SDE2: variants seen among roughly 807,000 people sequenced by gnomAD.
SDE2 encodes splicing regulator SDE2.
In SDE2, 31 loss-of-function variants were observed where a neutral mutation model predicts 46.9. The ratio of observed to expected loss-of-function variants is 0.66; its 90% CI spans 0.50 to 0.89. SDE2 has a LOEUF of 0.89. SDE2 is among the 40% of genes least tolerant of loss of function. The pLI, the probability that SDE2 is intolerant of heterozygous loss-of-function variation, is 0.00. For synonymous variants in SDE2, 205 were observed against 204.3 expected (o/e 1.00, Z -0.03); for missense variants, 542 against 564.4 (o/e 0.96, Z 0.40).
In SDE2 at chr1:225,987,925, T is replaced by TGGCAAC. The variant is rs773825914; in HGVS notation, c.1099_1104dup (p.Val367_Ala368dup). ...TTTCCTGGCTGGCTTTCCTGCAGTT[T>TGGCAAC]GGCAACGGCAACGTTTTCCCTTTCT... On this transcript the variant is annotated inframe_insertion, in exon 6 of 7. Coordinates refer to ENST00000272091, the MANE Select transcript of SDE2 (RefSeq NM_152608.4). 1 of 1,612,668 alleles carries TGGCAAC rather than the reference T, an allele frequency of 6.2e-7. No individual in the cohort carries two copies. The highest frequency in any genetic ancestry group is 2.2e-5 in the East Asian group (1 of 44,880).
intron 2 of SDE2, among the ~76,000 whole-genome samples, chr1:225,994,697 C>T (rs765949178): frequency 6.6e-6 from 1 of 152,166 alleles, no homozygotes; most frequent in Non-Finnish European, 1.5e-5. Flanking sequence ...AAAAAAAACT[C>T]TTTATTCAGC....
Position 225,985,414 on chromosome 1 carries a change from C to T in SDE2, c.1244G>A (p.Cys415Tyr). Residue 415 changes from cysteine (C) to tyrosine (Y), a missense_variant, in exon 7 of 7, where the codon TGT becomes TAT. By Grantham distance (194) the Cys-to-Tyr change is radical (BLOSUM62 -2). Transcript: ENST00000272091. ...TGCCCGCTCCTGCAGAGTGCCCCCA[C>T]ATTTCAGTCCAAGGGCCATCAGTTC... ...KCELMALGLK[C>Y]GGTLQERAAR... The T allele has an allele frequency of 6.2e-7, 1 of 1,614,164 alleles. No individual in the cohort carries two copies. The highest frequency in any genetic ancestry group is 1.3e-5 in the African/African-American group (1 of 75,066).
In SDE2 at chr1:225,987,949, C is replaced by T. The variant is rs1254509294; in HGVS notation, c.1081G>A (p.Glu361Lys). 2 of 1,613,908 alleles carry T rather than the reference C, an allele frequency of 1.2e-6. No individual in the cohort carries two copies. Residue 361 changes from glutamate (E) to lysine (K), a missense_variant, in exon 6 of 7, where the codon GAA (glutamate) becomes AAA (lysine). Around this residue, in one of 3 missense-constraint regions of SDE2, gnomAD observed 401 missense variants for 437.8 expected, o/e 0.92. Transcript: ENST00000272091. ...TTGGCAACGGCAACGTTTTCCCTTTCTTCAGGTGCTACCTCAGCAACTCTT... is the reference window on the plus strand; with the variant it reads ...TTGGCAACGGCAACGTTTTCCCTTTTTTCAGGTGCTACCTCAGCAACTCTT... ...GERVAEVAPE[E>K]RENVAVAKLQ...
At chr1:225,998,840 AG>A (rs1181019051) in intron 1 of SDE2, among the ~76,000 whole-genome samples, 3 of 152,238 alleles carry the variant, frequency 2.0e-5, no homozygotes, top group Non-Finnish European at 4.4e-5. Context: ...ACATAACCAT[AG>A]TAAGAAGGTG....
rs554835143 is a variant in SDE2 at position 225,990,448 on chromosome 1, T to C, written c.641+795A>G. ...TATTTCAGGTCATTAAAATACACTC[T>C]ATCTAGATTGTGGTGATGGTAACGT... On this transcript the variant is annotated intron_variant, in intron 5 of 6. Transcript: ENST00000272091. Among the ~76,000 whole-genome samples the C allele has an allele frequency of 3.3e-5, 5 of 152,264 alleles. No homozygotes were observed. The East Asian group carries it at 7.7e-4, about 23-fold the overall frequency.
Position 225,988,541 on chromosome 1 carries a change from C to A in SDE2, c.642-153G>T, listed in dbSNP as rs146314755. Among the ~76,000 whole-genome samples the A allele has an allele frequency of 8.6e-4, 131 of 152,178 alleles. 1 individual carries two copies. The highest frequency in any genetic ancestry group is 3.0e-3 in the African/African-American group (124 of 41,516). ...GTCAGTAGTTTGAGATCAGCCTGGC[C>A]AACACAGTGAAACCCCATCTCTACT... On this transcript the variant is annotated intron_variant, in intron 5 of 6. Coordinates refer to ENST00000272091, the MANE Select transcript of SDE2 (RefSeq NM_152608.4).
chr1:225,990,690 A>G (rs1046626085), intron 5 of SDE2, among the ~76,000 whole-genome samples: 7 of 152,224 alleles, frequency 4.6e-5, no homozygotes, highest in African/African-American at 1.7e-4. Flanking sequence ...TCTTTGATTA[A>G]TAATTATCTG....
rs951130503 is a variant in SDE2 at position 225,983,173 on chromosome 1, G to A, written c.*2129C>T. On this transcript the variant is annotated 3_prime_UTR_variant, in exon 7 of 7. Coordinates refer to ENST00000272091, the MANE Select transcript of SDE2 (RefSeq NM_152608.4). Reference sequence around the variant, plus strand: ...TTGTTTAAAGAAACTACTTTAAATAGGCACAGAAGCACAAAGTAAATTAAT... The same window carrying A: ...TTGTTTAAAGAAACTACTTTAAATAAGCACAGAAGCACAAAGTAAATTAAT... 1 of 152,170 alleles carries A rather than the reference G, an allele frequency of 6.6e-6. No homozygotes were observed. Among genetic ancestry groups the A allele is most frequent in the African/African-American group, 2.4e-5 (1 of 41,438 alleles). 9.4% of individuals were successfully genotyped at this position (152,170 alleles called of 1,614,324 possible). A position where few individuals can be genotyped will look rare whatever the true frequency, so the allele number is the denominator to read the frequency against.
intron 1 of SDE2, among the ~76,000 whole-genome samples, chr1:225,998,986 T>A (rs1656593546): frequency 6.6e-6 from 1 of 151,988 alleles, no homozygotes; most frequent in Admixed American, 6.6e-5. Context: ...TCCCTCTTGG[T>A]GGGAAGGCAA....
Position 225,998,172 on chromosome 1 carries a change from G to A in SDE2, c.120+1021C>T, listed in dbSNP as rs190879333. 1.7e-3 allele frequency among the ~76,000 whole-genome samples: 262 copies of A among 152,240 alleles called. 2 individuals carry two copies. Among genetic ancestry groups the A allele is most frequent in the Non-Finnish European group, 2.2e-3 (147 of 68,026 alleles). On this transcript the variant is annotated intron_variant, in intron 1 of 6. Transcript: ENST00000272091. ...AAAGAACACTGTACTCATGAAATAAGAATTATTTTCAAAGGAATTAGAATG... is the reference window on the plus strand; with the variant it reads ...AAAGAACACTGTACTCATGAAATAAAAATTATTTTCAAAGGAATTAGAATG...
rs376626228 is a variant in SDE2 at position 225,993,022 on chromosome 1, G to C, written c.239-20C>G. The stretch of plus-strand genomic sequence containing the variant: ...CAAAACCTGAGCAGATGTATTTGGA[G>C]AAAGCAGGTTAAAATGTGTTCAAGG... On this transcript the variant is annotated intron_variant, in intron 2 of 6. Coordinates refer to ENST00000272091, the MANE Select transcript of SDE2 (RefSeq NM_152608.4). 4.8e-5 allele frequency: 67 copies of C among 1,392,974 alleles called. No homozygotes were observed. The highest frequency in any genetic ancestry group is 6.7e-5 in the Non-Finnish European group (66 of 982,600). 86.3% of individuals were successfully genotyped at this position (1,392,974 alleles called of 1,614,324 possible).
Position 225,999,254 on chromosome 1 carries a change from A to C in SDE2, c.59T>G (p.Val20Gly). 1.2e-6 allele frequency: 2 copies of C among 1,613,284 alleles called. No individual in the cohort carries two copies. The highest frequency in any genetic ancestry group is 8.5e-7 in the Non-Finnish European group (1 of 1,179,774). The change falls in exon 1 of 7, where the codon GTG becomes GGG. Residue 20 changes from valine (V) to glycine (G), a missense_variant. Val to Gly is a moderately radical substitution (Grantham distance 109). Around this residue, in one of 3 missense-constraint regions of SDE2, gnomAD observed 135 missense variants for 106.5 expected, o/e 1.27. Transcript: ENST00000272091. ...GGTGCACCGACCCGAGGCACACCGCACCGCCTTGCACCCGAAGCCAGGGCC... is the reference window on the plus strand; with the variant it reads ...GGTGCACCGACCCGAGGCACACCGCCCCGCCTTGCACCCGAAGCCAGGGCC... ...IRGPGFGCKA[V>G]RCASGRCTVR...
chr1:225,988,483 G>A, intron 5 of SDE2, 95 bp from the exon 6 acceptor site: 2 of 1,293,208 alleles, frequency 1.5e-6, no homozygotes, highest in Admixed American at 2.1e-5. Context: ...GTAATCCCAG[G>A]ACTTTGGGAG....
chr1:225,995,064 A>G lies in SDE2; in HGVS notation c.238+202T>C, dbSNP rs909008491. 2.6e-5 allele frequency among the ~76,000 whole-genome samples: 4 copies of G among 152,200 alleles called. No individual in the cohort carries two copies. The South Asian group carries it at 8.3e-4, about 32-fold the overall frequency. ...GTCTCAAAAGAAAGAAAACAAAAGA[A>G]TAAGAGAGAAAATGTCCAAAATCAG... is the stretch of plus-strand genomic sequence containing the variant. On this transcript the variant is annotated intron_variant, in intron 2 of 6. Coordinates refer to ENST00000272091, the MANE Select transcript of SDE2 (RefSeq NM_152608.4).
At chr1:225,992,624 AT>A in intron 3 of SDE2, 57 bp from the exon 4 acceptor site, 1 of 1,118,736 alleles carries the variant, frequency 8.9e-7, no homozygotes, top group Non-Finnish European at 1.3e-6. Flanking sequence ...ATACACTTTT[AT>A]ATATAAAATG....
intron 1 of SDE2, among the ~76,000 whole-genome samples, chr1:225,998,430 A>G (rs1558086444): frequency 6.6e-6 from 1 of 152,366 alleles, no homozygotes; most frequent in East Asian, 1.9e-4. Context: ...TGAGGTGCGG[A>G]AAGAACAGAG....
intron 1 of SDE2, among the ~76,000 whole-genome samples, chr1:225,996,567 A>G: frequency 6.6e-6 from 1 of 152,190 alleles, no homozygotes; most frequent in East Asian, 1.9e-4. Context: ...GCTTTTAACC[A>G]TTTGTGCATT....
Position 225,999,298 on chromosome 1 carries a change from C to A in SDE2, c.15G>T (p.Ala5=). The change falls in exon 1 of 7, where the codon GCG becomes GCT. Residue 5 remains alanine, a synonymous_variant. Coordinates refer to ENST00000272091, the MANE Select transcript of SDE2 (RefSeq NM_152608.4). Reference sequence around the variant, plus strand: ...CAGGGCCGCGAATCCACACCAGCGCCGCGGCCTCCGCCATGTCACCGACTA... The same window carrying A: ...CAGGGCCGCGAATCCACACCAGCGCAGCGGCCTCCGCCATGTCACCGACTA... MAEA[A]ALVWIRGPGF... 6.2e-7 allele frequency: 1 copy of A among 1,611,520 alleles called. No individual in the cohort carries two copies. The highest frequency in any genetic ancestry group is 2.2e-5 in the East Asian group (1 of 44,796).
intron 2 of SDE2, among the ~76,000 whole-genome samples, chr1:225,994,187 C>T (rs977426815): frequency 6.6e-6 from 1 of 152,014 alleles, no homozygotes; most frequent in African/African-American, 2.4e-5. Context: ...AGTGATTCTC[C>T]TGCCTCAGCC....
Sources: gnomAD v4.1 joint callset for allele counts (sites outside exome capture counted in the v4.1 genomes callset) on GRCh38, gnomAD v4.1.1 for gene constraint, gnomAD v4.1.1 regional missense constraint, MANE v1.5 for transcripts, NCBI Gene and HGNC (gene_info 2026-07-23, HGNC 2026-07-21) for gene names.